The following TMTC2 variants were observed in gnomAD, a reference collection of about 807,000 sequenced individuals.
TMTC2 encodes transmembrane O-mannosyltransferase targeting cadherins 2.
Under a neutral mutation model 82.4 loss-of-function variants are expected in TMTC2, and 43 were observed. That is an observed-to-expected ratio of 0.52 (90% confidence interval 0.41 to 0.67). TMTC2 has a LOEUF of 0.67. Among genes scored for constraint, TMTC2 ranks in the 30% least tolerant of loss-of-function variants. The pLI, the probability that TMTC2 is intolerant of heterozygous loss-of-function variation, is 0.00. For synonymous variants in TMTC2, 408 were observed against 381.9 expected, an observed-to-expected ratio of 1.07 and a Z score of -0.80; for missense variants, 919 against 1,012.4, an observed-to-expected ratio of 0.91 and a Z score of 1.25.
chr12:82,828,978 G>A (rs1196608946), intron 1 of TMTC2, among the ~76,000 whole-genome samples: 1 of 152,128 alleles, frequency 6.6e-6, no homozygotes, highest in Non-Finnish European at 1.5e-5. Context: ...ATTTGACACT[G>A]TTATAGAACT....
chr12:82,953,806 A>C (rs538739386), intron 4 of TMTC2, among the ~76,000 whole-genome samples: 1 of 151,036 alleles, frequency 6.6e-6, no homozygotes, highest in African/African-American at 2.4e-5. Flanking sequence ...TTAGGAAAAA[A>C]TGTGAGTATC....
chr12:83,112,255 C>A (rs778013101), intron 11 of TMTC2, among the ~76,000 whole-genome samples: 2 of 152,024 alleles, frequency 1.3e-5, no homozygotes, highest in Non-Finnish European at 1.5e-5. Context: ...CCATTGCTTC[C>A]TCTCCCCTCC....
chr12:82,836,976 T>C (rs1318218595), intron 1 of TMTC2, among the ~76,000 whole-genome samples: 2 of 152,228 alleles, frequency 1.3e-5, no homozygotes, highest in Non-Finnish European at 2.9e-5. Flanking sequence ...TTTTTCCTTT[T>C]CATCCTCGAA....
chr12:83,018,292 T>TA (rs760219640), intron 8 of TMTC2, among the ~76,000 whole-genome samples: 1 of 152,144 alleles, frequency 6.6e-6, no homozygotes, highest in Admixed American at 6.5e-5. Flanking sequence ...CAGCTTTTCT[T>TA]ACCATCCCCA....
chr12:82,884,268 G>T (rs996005701), intron 2 of TMTC2, among the ~76,000 whole-genome samples: 1 of 152,130 alleles, frequency 6.6e-6, no homozygotes, highest in Non-Finnish European at 1.5e-5. Context: ...ATAGCAATGG[G>T]TTTAGAGGCA....
intron 4 of TMTC2, among the ~76,000 whole-genome samples, chr12:82,962,232 A>G (rs1021008864): frequency 1.1e-4 from 17 of 152,026 alleles, no homozygotes; most frequent in Non-Finnish European, 2.4e-4. Flanking sequence ...ATCAGTTTTC[A>G]ATGATTTTGG....
chr12:83,119,853 T>C lies in TMTC2; in HGVS notation c.2332-12357T>C, dbSNP rs567336192. Among the ~76,000 whole-genome samples, 6 of 152,322 alleles carry C rather than the reference T, an allele frequency of 3.9e-5. No individual in the cohort carries two copies. In the South Asian group the frequency reaches 6.2e-4, roughly 16 times the overall value. ...AGTGCATATATGTTTAGGATTGTGATATTTTTCTGTTGGACAAGGCTTTTT... is the reference window on the plus strand; with the variant it reads ...AGTGCATATATGTTTAGGATTGTGACATTTTTCTGTTGGACAAGGCTTTTT... On this transcript the variant is annotated intron_variant, in intron 11 of 11. Coordinates refer to ENST00000321196, the MANE Select transcript of TMTC2 (RefSeq NM_152588.3).
chr12:82,863,790 G>C (rs1366404267), intron 2 of TMTC2, among the ~76,000 whole-genome samples: 1 of 152,146 alleles, frequency 6.6e-6, no homozygotes, highest in African/African-American at 2.4e-5. Flanking sequence ...GCGATGTGGG[G>C]ATTCAAAGAG....
chr12:82,738,270 A>G (rs942201495), intron 1 of TMTC2, among the ~76,000 whole-genome samples: 3 of 152,202 alleles, frequency 2.0e-5, no homozygotes, highest in Non-Finnish European at 4.4e-5. Context: ...AAGTGCATCT[A>G]TCTTTACTGA....
chr12:82,753,882 TATTA>T (rs1434621542), intron 1 of TMTC2, among the ~76,000 whole-genome samples: 2 of 152,218 alleles, frequency 1.3e-5, no homozygotes, highest in African/African-American at 4.8e-5. Context: ...AAGCGTACTA[TATTA>T]ATTGGAAAAC....
chr12:82,950,053 A>G (rs1340797814), intron 4 of TMTC2, among the ~76,000 whole-genome samples: 1 of 152,214 alleles, frequency 6.6e-6, no homozygotes, highest in East Asian at 1.9e-4. Context: ...TGTGTATATG[A>G]ACCAGAGAGA....
intron 11 of TMTC2, among the ~76,000 whole-genome samples, chr12:83,084,700 T>C (rs1883591816): frequency 1.3e-5 from 2 of 152,172 alleles, no homozygotes; most frequent in South Asian, 4.1e-4. Flanking sequence ...ACTTGATATT[T>C]GGAGCCAAAA....
At chr12:82,764,603 T>G (rs1876840838) in intron 1 of TMTC2, among the ~76,000 whole-genome samples, 1 of 152,214 alleles carries the variant, frequency 6.6e-6, no homozygotes, top group African/African-American at 2.4e-5. Context: ...ATTTTGCCCT[T>G]AAGCTCTGTC....
intron 4 of TMTC2, among the ~76,000 whole-genome samples, chr12:82,933,575 A>G (rs897544216): frequency 3.3e-5 from 5 of 152,192 alleles, no homozygotes; most frequent in African/African-American, 1.2e-4. Flanking sequence ...CCCCTTTGAG[A>G]TAATAGCATG....
chr12:82,778,710 G>A (rs796703959), intron 1 of TMTC2, among the ~76,000 whole-genome samples: 18 of 151,172 alleles, frequency 1.2e-4, no homozygotes, highest in South Asian at 4.2e-4. Flanking sequence ...TTAGCCGGGC[G>A]TAGTGGCGGG....
intron 8 of TMTC2, among the ~76,000 whole-genome samples, chr12:83,013,857 A>C (rs1182803210): frequency 6.6e-6 from 1 of 152,202 alleles, no homozygotes; most frequent in East Asian, 1.9e-4. Context: ...TCGAAGAGAC[A>C]GTGGACCTTT....
intron 2 of TMTC2, among the ~76,000 whole-genome samples, chr12:82,859,999 A>G (rs1259115768): frequency 2.6e-5 from 4 of 152,106 alleles, no homozygotes; most frequent in Admixed American, 2.6e-4. Flanking sequence ...TTTGAGACCG[A>G]GTCTTGCCCT....
intron 1 of TMTC2, among the ~76,000 whole-genome samples, chr12:82,832,108 A>G (rs1227651415): frequency 6.6e-6 from 1 of 152,130 alleles, no homozygotes; most frequent in Non-Finnish European, 1.5e-5. Flanking sequence ...GATCTGTATG[A>G]GCTTCTCAGG....
intron 11 of TMTC2, among the ~76,000 whole-genome samples, chr12:83,085,051 T>C (rs1297907667): frequency 6.6e-6 from 1 of 152,176 alleles, no homozygotes; most frequent in Non-Finnish European, 1.5e-5. Flanking sequence ...ACCTCTTATG[T>C]AGGGGTTGGT....
Sources: gnomAD v4.1 joint callset for allele counts (sites outside exome capture counted in the v4.1 genomes callset) on GRCh38, gnomAD v4.1.1 for gene constraint, MANE v1.5 for transcripts, NCBI Gene and HGNC (gene_info 2026-07-23, HGNC 2026-07-21) for gene names.